FXN: variants seen among roughly 807,000 people sequenced by gnomAD.
The protein encoded by FXN is frataxin, also known as frataxin, mitochondrial.
Under a neutral mutation model 22.4 loss-of-function variants are expected in FXN, and 14 were observed. That is an observed-to-expected ratio of 0.62 (90% CI 0.41 to 0.98). The LOEUF is 0.98. Ranked by LOEUF, FXN falls within the 50% of genes least tolerant of loss-of-function variation. The pLI is 0.00. For synonymous variants in FXN, 120 were observed against 114.1 expected, an observed-to-expected ratio of 1.05 and a Z score of -0.33; for missense variants, 267 against 268.4, an observed-to-expected ratio of 0.99 and a Z score of 0.04.
At chr9:69,069,088 A>G (rs1832224538) in intron 4 of FXN, among the ~76,000 whole-genome samples, 1 of 152,216 alleles carries the variant, frequency 6.6e-6, no homozygotes, top group Non-Finnish European at 1.5e-5. Context: ...AAGGGGCCAG[A>G]CACAGTGGCT....
At chr9:69,043,088 T>C (rs1391457106) in intron 1 of FXN, among the ~76,000 whole-genome samples, 2 of 152,170 alleles carry the variant, frequency 1.3e-5, no homozygotes, top group African/African-American at 4.8e-5. Flanking sequence ...CCTAGCCTTT[T>C]GGGGTCGTTT....
At chr9:69,038,394 A>G (rs1831600035) in intron 1 of FXN, among the ~76,000 whole-genome samples, 1 of 152,226 alleles carries the variant, frequency 6.6e-6, no homozygotes, top group African/African-American at 2.4e-5. Flanking sequence ...CAGCTGTTCA[A>G]CAGAAACAGA....
chr9:69,037,301 A>AGAAGAAGAG (rs755338528), intron 1 of FXN, among the ~76,000 whole-genome samples: 19 of 148,182 alleles, frequency 1.3e-4, no homozygotes, highest in Non-Finnish European at 2.2e-4. Flanking sequence ...AAGAAGAAGA[A>AGAAGAAGAG]GAAAATAAAG....
At chr9:69,039,623 T>C (rs755114739) in intron 1 of FXN, among the ~76,000 whole-genome samples, 12 of 152,036 alleles carry the variant, frequency 7.9e-5, no homozygotes, top group Non-Finnish European at 1.6e-4. Context: ...TCTTAAATAC[T>C]GGAGACAGCT....
rs568658206 is a variant in FXN at position 69,073,396 on chromosome 9, G to A, written c.*634G>A. ...CTGTTTCTCCCACATATTCACATAC[G>A]TGTCTGTGTGTATATATATTTTTTC... On this transcript the variant is annotated 3_prime_UTR_variant, in exon 5 of 5. Transcript: ENST00000484259. The A allele has an allele frequency of 1.7e-5, 17 of 986,386 alleles. No homozygotes were observed. The South Asian group carries it at 3.3e-4, about 19-fold the overall frequency. 61.1% of individuals were successfully genotyped at this position (986,386 alleles called of 1,614,324 possible).
At chr9:69,055,218 C>A (rs1356202381) in intron 3 of FXN, among the ~76,000 whole-genome samples, 1 of 152,192 alleles carries the variant, frequency 6.6e-6, no homozygotes, top group Non-Finnish European at 1.5e-5. Context: ...AACTGACCTA[C>A]CAACTTGAGC....
chr9:69,050,889 T>C (rs1294710851), intron 2 of FXN, among the ~76,000 whole-genome samples: 11 of 151,924 alleles, frequency 7.2e-5, no homozygotes, highest in Non-Finnish European at 1.3e-4. Flanking sequence ...CAAGCAATTC[T>C]CCTGCCTCAG....
rs1273492939 is a variant in FXN, at chr9:69,046,396, A to T, written c.177A>T (p.Gln59His). 5.0e-6 allele frequency: 8 copies of T among 1,613,952 alleles called. No individual in the cohort carries two copies. In the Admixed American group the frequency reaches 6.7e-5, roughly 13 times the overall value. ...ACTTTGGCTTTCAGAGTTCGAACCA[A>T]CGTGGCCTCAACCAGATTTGGAATG... Reference protein sequence around the residue: ...TCTPRRASSNQRGLNQIWNVK... With the variant: ...TCTPRRASSNHRGLNQIWNVK... The change falls in exon 2 of 5, where the codon CAA (glutamine) becomes CAT (histidine). Residue 59 changes from glutamine (Q) to histidine (H), a missense_variant. Coordinates refer to ENST00000484259, the MANE Select transcript of FXN (RefSeq NM_000144.5).
At position 69,078,441 on chromosome 9, in the gene FXN, T is replaced by G; in HGVS notation, c.*5679T>G. 4.1e-6 allele frequency: 4 copies of G among 985,346 alleles called. No homozygotes were observed. The highest frequency in any genetic ancestry group is 4.8e-6 in the Non-Finnish European group (4 of 829,940). The allele number at this position is 985,346 out of a possible 1,614,324, so 61.0% of individuals were successfully genotyped here. A position where few individuals can be genotyped will look rare whatever the true frequency, so the allele number is the denominator to read the frequency against. On this transcript the variant is annotated 3_prime_UTR_variant, in exon 5 of 5. Coordinates refer to ENST00000484259, the MANE Select transcript of FXN (RefSeq NM_000144.5). ...TGCAGGAGCTTTCTTATATCCACCT[T>G]CCTCCTTTTCTCTCAGCCCATCATC...
chr9:69,077,038 C>A lies in FXN; in HGVS notation c.*4276C>A. ...CAAGCAATTCTCTGCCTCAGCCTCC[C>A]GAGTAGCTGGGATTACAGGTGCCTG... is the stretch of plus-strand genomic sequence containing the variant. On this transcript the variant is annotated 3_prime_UTR_variant, in exon 5 of 5. Transcript: ENST00000484259. 1.9e-6 allele frequency: 1 copy of A among 534,470 alleles called. No homozygotes were observed. Among genetic ancestry groups the A allele is most frequent in the Non-Finnish European group, 2.4e-6 (1 of 418,106 alleles). The allele number at this position is 534,470 out of a possible 1,614,324, so 33.1% of individuals were successfully genotyped here.
chr9:69,072,550 A>C, intron 4 of FXN, 62 bp from the exon 5 acceptor site: 2 of 1,611,618 alleles, frequency 1.2e-6, no homozygotes, highest in Non-Finnish European at 8.5e-7. Context: ...GCATTTGTGG[A>C]ATCAGTGGTT....
intron 3 of FXN, 77 bp downstream of exon 3, chr9:69,053,337 A>G: frequency 6.8e-7 from 1 of 1,476,426 alleles, no homozygotes; most frequent in South Asian, 1.1e-5. Context: ...ATTTCCCTCC[A>G]GCAGAGCTAA....
chr9:69,049,112 A>G (rs1587819433), intron 2 of FXN, among the ~76,000 whole-genome samples: 1 of 152,108 alleles, frequency 6.6e-6, no homozygotes, highest in African/African-American at 2.4e-5. Flanking sequence ...TCTGGGAAGC[A>G]CACCCTTGAC....
In FXN at chr9:69,078,692, C is replaced by T. The variant is rs1022223810; in HGVS notation, c.*5930C>T. On this transcript the variant is annotated 3_prime_UTR_variant, in exon 5 of 5. Transcript: ENST00000484259. ...CCCTAAGTGTGCTGTGCTATTTTCA[C>T]GTGGCTCTCAGACTTGGCCAGTGCT... 6 of 979,920 alleles carry T rather than the reference C, an allele frequency of 6.1e-6. No individual in the cohort carries two copies. Among genetic ancestry groups the T allele is most frequent in the Non-Finnish European group, 7.2e-6 (6 of 828,388 alleles). The allele number at this position is 979,920 out of a possible 1,614,324, so 60.7% of individuals were successfully genotyped here.
In FXN at chr9:69,077,318, CTT is replaced by C. The variant is rs1488440926; in HGVS notation, c.*4557_*4558del. The C allele has an allele frequency of 1.0e-6, 1 of 985,294 alleles. No homozygotes were observed. Among genetic ancestry groups the C allele is most frequent in the Non-Finnish European group, 1.2e-6 (1 of 829,930 alleles). 61.0% of individuals were successfully genotyped at this position (985,294 alleles called of 1,614,324 possible). ...TTTGGAATGTGTAAAACTCAGCTCACTTATATCCCTGCATCCGCTACAGAGAC... is the reference window on the plus strand; with the variant it reads ...TTTGGAATGTGTAAAACTCAGCTCACATATCCCTGCATCCGCTACAGAGAC... On this transcript the variant is annotated 3_prime_UTR_variant, in exon 5 of 5. Coordinates refer to ENST00000484259, the MANE Select transcript of FXN (RefSeq NM_000144.5).
chr9:69,076,298 G>A lies in FXN; in HGVS notation c.*3536G>A, dbSNP rs937115058. ...CACAGGCAAAGCACAATCCTGATGT[G>A]AGAAGTACTCAGTTCATGACAACTG... On this transcript the variant is annotated 3_prime_UTR_variant, in exon 5 of 5. Transcript: ENST00000484259. 154 of 984,466 alleles carry A rather than the reference G, an allele frequency of 1.6e-4. 1 individual carries two copies. In the African/African-American group the frequency reaches 2.5e-3, roughly 16 times the overall value. The allele number at this position is 984,466 out of a possible 1,614,324, so 61.0% of individuals were successfully genotyped here. A position where few individuals can be genotyped will look rare whatever the true frequency, so the allele number is the denominator to read the frequency against.
At chr9:69,066,742 G>C (rs1832172290) in intron 4 of FXN, among the ~76,000 whole-genome samples, 1 of 152,030 alleles carries the variant, frequency 6.6e-6, no homozygotes, top group African/African-American at 2.4e-5. Flanking sequence ...GACTGAAAAC[G>C]TCCATATCGT....
chr9:69,073,773 G>A lies in FXN; in HGVS notation c.*1011G>A. 1 of 985,418 alleles carries A rather than the reference G, an allele frequency of 1.0e-6. No individual in the cohort carries two copies. Among genetic ancestry groups the A allele is most frequent in the African/African-American group, 1.7e-5 (1 of 57,366 alleles). 61.0% of individuals were successfully genotyped at this position (985,418 alleles called of 1,614,324 possible). A position where few individuals can be genotyped will look rare whatever the true frequency, so the allele number is the denominator to read the frequency against. On this transcript the variant is annotated 3_prime_UTR_variant, in exon 5 of 5. Transcript: ENST00000484259. ...TCCTGTCAAGCAACCTAACAGGCTA[G>A]TTCTAATTCCCTATTGGGTAGATGA...
chr9:69,053,555 T>C (rs1332848597), intron 3 of FXN, among the ~76,000 whole-genome samples: 2 of 151,870 alleles, frequency 1.3e-5, no homozygotes, highest in African/African-American at 4.8e-5. Context: ...ATAGATAAGA[T>C]AGATAAGACA....
Sources: allele counts gnomAD v4.1 joint callset (sites outside exome capture counted in the v4.1 genomes callset), GRCh38; gene constraint gnomAD v4.1.1; transcripts MANE v1.5; gene names NCBI Gene and HGNC (gene_info 2026-07-23, HGNC 2026-07-21).